Variants in CD2AP observed in about 807,000 individuals in gnomAD.
The protein encoded by CD2AP is CD2-associated protein.
A neutral mutation model predicts 85.1 loss-of-function variants in CD2AP; 46 were observed. The observed-to-expected ratio is 0.54, with a 90% CI of 0.43 to 0.69. The LOEUF (loss-of-function observed/expected upper bound fraction) is 0.69. Ranked by LOEUF, CD2AP falls within the 30% of genes least tolerant of loss-of-function variation. CD2AP has a pLI of 0.00. For synonymous variants in CD2AP, 255 were observed against 252.9 expected, an observed-to-expected ratio of 1.01 and a Z score of -0.08; for missense variants, 769 against 729.5, an observed-to-expected ratio of 1.05 and a Z score of -0.62.
At chr6:47,547,150 G>C (rs922181019) in intron 4 of CD2AP, among the ~76,000 whole-genome samples, 2 of 151,958 alleles carry the variant, frequency 1.3e-5, no homozygotes, top group Non-Finnish European at 2.9e-5. Flanking sequence ...AAAAAACTCA[G>C]GTATATAGGC....
intron 5 of CD2AP, among the ~76,000 whole-genome samples, chr6:47,567,305 T>C (rs1768030847): frequency 6.6e-6 from 1 of 152,146 alleles, no homozygotes; most frequent in South Asian, 2.1e-4. Flanking sequence ...TATTCCAAAA[T>C]CTGAAATTTA....
At chr6:47,490,620 C>T (rs1765709614) in intron 1 of CD2AP, among the ~76,000 whole-genome samples, 2 of 151,954 alleles carry the variant, frequency 1.3e-5, no homozygotes, top group African/African-American at 2.4e-5. Flanking sequence ...TTAGAACTGT[C>T]TCAGGTAATC....
intron 2 of CD2AP, among the ~76,000 whole-genome samples, chr6:47,512,758 CCTT>C (rs1334477557): frequency 2.0e-5 from 3 of 152,338 alleles, no homozygotes; most frequent in East Asian, 1.9e-4. Flanking sequence ...CTCATCACCT[CCTT>C]CTCATTTCTC....
intron 3 of CD2AP, among the ~76,000 whole-genome samples, chr6:47,543,348 A>G (rs907074986): frequency 6.6e-6 from 1 of 152,092 alleles, no homozygotes; most frequent in African/African-American, 2.4e-5. Context: ...GGAATTAAAG[A>G]TCAGGGTGAC....
At chr6:47,538,263 CAG>C (rs1767106603) in intron 3 of CD2AP, among the ~76,000 whole-genome samples, 2 of 151,908 alleles carry the variant, frequency 1.3e-5, no homozygotes. Context: ...TTTTTTGAGA[CAG>C]AGTTTCGCTC....
At chr6:47,553,351 GT>G (rs1164649256) in intron 4 of CD2AP, among the ~76,000 whole-genome samples, 71 of 140,548 alleles carry the variant, frequency 5.1e-4, no homozygotes, top group South Asian at 1.1e-3. Context: ...TTTAAATTTT[GT>G]TTTTTTTTTT....
chr6:47,611,050 A>G (rs1422264412), intron 16 of CD2AP, among the ~76,000 whole-genome samples: 2 of 147,454 alleles, frequency 1.4e-5, no homozygotes, highest in Non-Finnish European at 3.0e-5. Flanking sequence ...TTCTCTGGCA[A>G]AGTGAAACTG....
intron 4 of CD2AP, among the ~76,000 whole-genome samples, chr6:47,549,859 G>A (rs1490651527): frequency 1.3e-5 from 2 of 152,058 alleles, no homozygotes; most frequent in Non-Finnish European, 2.9e-5. Context: ...TATAAAAATA[G>A]GCATATTGAC....
chr6:47,583,912 A>G (rs1393531797), intron 11 of CD2AP, among the ~76,000 whole-genome samples: 2 of 152,176 alleles, frequency 1.3e-5, no homozygotes, highest in African/African-American at 4.8e-5. Context: ...TCTACGTTCT[A>G]GCCAGCATTT....
chr6:47,575,284 T>G (rs1181829863), intron 6 of CD2AP, among the ~76,000 whole-genome samples: 2 of 152,188 alleles, frequency 1.3e-5, no homozygotes, highest in African/African-American at 4.8e-5. Context: ...GACAAGCAAT[T>G]CTTGGCATTG....
chr6:47,550,695 A>G (rs997698295), intron 4 of CD2AP, among the ~76,000 whole-genome samples: 3 of 152,152 alleles, frequency 2.0e-5, no homozygotes, highest in Admixed American at 6.6e-5. Flanking sequence ...ATCCCAGAGG[A>G]AAAGAACTCA....
intron 13 of CD2AP, among the ~76,000 whole-genome samples, chr6:47,604,708 A>G (rs1206921006): frequency 6.6e-6 from 1 of 152,056 alleles, no homozygotes; most frequent in African/African-American, 2.4e-5. Flanking sequence ...CATGACATTT[A>G]AACATATATT....
intron 1 of CD2AP, among the ~76,000 whole-genome samples, chr6:47,500,824 G>A (rs1017948705): frequency 1.3e-5 from 2 of 150,056 alleles, no homozygotes; most frequent in Non-Finnish European, 3.0e-5. Context: ...TTGGCTCACT[G>A]CAACCTCCGC....
chr6:47,567,023 C>G (rs769519553), intron 5 of CD2AP, among the ~76,000 whole-genome samples: 8 of 151,576 alleles, frequency 5.3e-5, no homozygotes, highest in Non-Finnish European at 1.2e-4. Flanking sequence ...AGTGGAAACT[C>G]CTGAGATTAT....
intron 4 of CD2AP, among the ~76,000 whole-genome samples, chr6:47,553,523 T>C (rs1767586924): frequency 6.9e-6 from 1 of 145,912 alleles, no homozygotes. Context: ...ATTTTTTTTT[T>C]TTTTTTTTTT....
chr6:47,596,589 G>T (rs1290581892), intron 12 of CD2AP, among the ~76,000 whole-genome samples: 1 of 152,036 alleles, frequency 6.6e-6, no homozygotes. Context: ...CAAATGGCAG[G>T]CTTGCTTTCT....
chr6:47,576,292 C>T (rs373164575), intron 6 of CD2AP, among the ~76,000 whole-genome samples: 46 of 152,148 alleles, frequency 3.0e-4, no homozygotes, highest in African/African-American at 9.9e-4. Context: ...ATACTATGGA[C>T]GTCAGAGAAT....
At chr6:47,581,064 C>A (rs983259494) in intron 10 of CD2AP, among the ~76,000 whole-genome samples, 164 bp downstream of exon 10, 1 of 151,982 alleles carries the variant, frequency 6.6e-6, no homozygotes, top group Non-Finnish European at 1.5e-5. Context: ...TAGTATCTGT[C>A]ATTTTTCTTA....
chr6:47,612,698 C>T (rs1769480728), intron 17 of CD2AP, among the ~76,000 whole-genome samples, 162 bp downstream of exon 17: 1 of 152,012 alleles, frequency 6.6e-6, no homozygotes, highest in Admixed American at 6.6e-5. Context: ...GAATGAGATC[C>T]TGTCATTTGC....
Sources: allele counts gnomAD v4.1 joint callset (sites outside exome capture counted in the v4.1 genomes callset), GRCh38; gene constraint gnomAD v4.1.1; transcripts MANE v1.5; gene names NCBI Gene and HGNC (gene_info 2026-07-23, HGNC 2026-07-21).